The following SEMA3A variants were observed in gnomAD, a reference collection of about 807,000 sequenced individuals.
The protein encoded by SEMA3A is semaphorin 3A.
In SEMA3A, 29 loss-of-function variants were observed where a neutral mutation model predicts 97.9. The observed-to-expected ratio is 0.30, with a 90% CI of 0.22 to 0.40. The LOEUF is 0.40. SEMA3A is among the 10% of genes least tolerant of loss of function. The probability of loss-of-function intolerance (pLI) is 1.00; values close to 1 mark genes in which losing one functional copy is unlikely to be tolerated. For synonymous variants in SEMA3A, 321 were observed against 323.7 expected (o/e 0.99, Z 0.09); for missense variants, 763 against 951.3 (o/e 0.80, Z 2.60).
intron 11 of SEMA3A, among the ~76,000 whole-genome samples, chr7:84,003,610 G>A (rs1562966536): frequency 6.6e-6 from 1 of 152,060 alleles, no homozygotes; most frequent in African/African-American, 2.4e-5. Context: ...TCATGATTAA[G>A]TTTATTTGGT....
intron 1 of SEMA3A, among the ~76,000 whole-genome samples, chr7:84,410,418 C>T (rs909442198): frequency 6.6e-6 from 1 of 152,062 alleles, no homozygotes; most frequent in African/African-American, 2.4e-5. Context: ...AAGCAAGCAA[C>T]CTGGATTTAA....
intron 2 of SEMA3A, among the ~76,000 whole-genome samples, chr7:84,321,900 G>A (rs71539322): frequency 0.38 from 19,319 of 50,732 alleles, 3,832 homozygotes; most frequent in East Asian, 0.45. Context: ...AAAAAAAAAA[G>A]AAGAAGAAGA....
intron 1 of SEMA3A, among the ~76,000 whole-genome samples, chr7:84,447,047 G>A (rs958411843): frequency 1.6e-4 from 25 of 152,264 alleles, no homozygotes; most frequent in Admixed American, 5.2e-4. Context: ...ACATGGCCTC[G>A]CTCGGCTCCC....
Position 84,046,450 on chromosome 7 carries a change from T to G in SEMA3A, c.548-7A>C, listed in dbSNP as rs1180359901. 6.2e-7 allele frequency: 1 copy of G among 1,612,620 alleles called. No homozygotes were observed. Among genetic ancestry groups the G allele is most frequent in the Admixed American group, 1.7e-5 (1 of 59,860 alleles). On this transcript the variant is annotated splice_region_variant and splice_polypyrimidine_tract_variant and intron_variant, in intron 5 of 16. Coordinates refer to ENST00000265362, the MANE Select transcript of SEMA3A (RefSeq NM_006080.3). ...CCAGAGTATAATTCTCCATCTGTGT[T>G]GTGACAAAACCACATACACATTCTT... is the stretch of plus-strand genomic sequence containing the variant.
At chr7:84,360,786 C>A (rs1393926582) in intron 2 of SEMA3A, among the ~76,000 whole-genome samples, 3 of 151,850 alleles carry the variant, frequency 2.0e-5, no homozygotes, top group Non-Finnish European at 4.4e-5. Context: ...TTAAAACCTA[C>A]ATTTTTTATT....
chr7:84,038,895 ATG>A (rs1361096347), intron 6 of SEMA3A, among the ~76,000 whole-genome samples: 1 of 152,118 alleles, frequency 6.6e-6, no homozygotes, highest in Non-Finnish European at 1.5e-5. Flanking sequence ...GTAAAACACA[ATG>A]TGTTTTATGA....
chr7:84,391,323 C>A (rs1453485706), intron 1 of SEMA3A, among the ~76,000 whole-genome samples: 1 of 152,078 alleles, frequency 6.6e-6, no homozygotes, highest in Non-Finnish European at 1.5e-5. Flanking sequence ...GAGGGAAATA[C>A]ACTAGCAACA....
chr7:84,313,499 C>G (rs1417870182), intron 2 of SEMA3A, among the ~76,000 whole-genome samples: 1 of 149,230 alleles, frequency 6.7e-6, no homozygotes, highest in Non-Finnish European at 1.5e-5. Flanking sequence ...AATGTTTGCA[C>G]TGTCTCCTAT....
chr7:84,402,800 A>G lies in SEMA3A; in HGVS notation c.-245-30900T>C, dbSNP rs1248329807. On this transcript the variant is annotated intron_variant, in intron 1 of 3. Transcript: ENST00000424555. ...AAAGTAGAGGGCATTATGTTAAGTG[A>G]AATAGACAAGGTATAGAAAGACAAA... is the stretch of plus-strand genomic sequence containing the variant. Among the ~76,000 whole-genome samples, 3 of 152,224 alleles carry G rather than the reference A, an allele frequency of 2.0e-5. 1 individual carries two copies. The highest frequency in any genetic ancestry group is 7.2e-5 in the African/African-American group (3 of 41,462).
intron 9 of SEMA3A, among the ~76,000 whole-genome samples, chr7:84,008,067 C>T (rs564258164): frequency 5.9e-5 from 9 of 152,242 alleles, no homozygotes; most frequent in East Asian, 3.9e-4. Flanking sequence ...AAAATAATTA[C>T]GTTAGTAGCT....
In SEMA3A at chr7:83,990,992, C is replaced by G. The variant is rs533137493; in HGVS notation, c.1453-5515G>C. ...CTTTTGTTTGTATCCTCTTTTATTT[C>G]CTTGAGCAGTGATTTGTACTTCTCC... is the stretch of plus-strand genomic sequence containing the variant. On this transcript the variant is annotated intron_variant, in intron 12 of 16. Coordinates refer to ENST00000265362, the MANE Select transcript of SEMA3A (RefSeq NM_006080.3). Among the ~76,000 whole-genome samples the G allele has an allele frequency of 4.1e-3, 616 of 151,896 alleles. 2 individuals are homozygous for G. Among genetic ancestry groups the G allele is most frequent in the African/African-American group, 0.014 (579 of 41,448 alleles).
At chr7:84,335,383 T>G (rs1220024881) in intron 2 of SEMA3A, among the ~76,000 whole-genome samples, 1 of 152,196 alleles carries the variant, frequency 6.6e-6, no homozygotes, top group Non-Finnish European at 1.5e-5. Flanking sequence ...ATAAAAAATA[T>G]ATTTTTACAT....
At position 84,079,940 on chromosome 7, in the gene SEMA3A, C is replaced by G. The variant is rs1396136375; in HGVS notation, c.454-19382G>C. Among the ~76,000 whole-genome samples the G allele has an allele frequency of 2.0e-5, 3 of 147,350 alleles. No individual in the cohort carries two copies. In the East Asian group the frequency reaches 5.9e-4, roughly 29 times the overall value. The stretch of plus-strand genomic sequence containing the variant: ...GGGGCACTATTCACAATAGCAAAGA[C>G]TTGGAACCAACCCAAATGTCCAACA... On this transcript the variant is annotated intron_variant, in intron 4 of 16. Coordinates refer to ENST00000265362, the MANE Select transcript of SEMA3A (RefSeq NM_006080.3).
intron 1 of SEMA3A, among the ~76,000 whole-genome samples, chr7:84,395,358 G>GA (rs35236072): frequency 2.8e-4 from 40 of 141,868 alleles, no homozygotes; most frequent in African/African-American, 3.8e-4. Context: ...AAACCCATAG[G>GA]AAAAAAAAAA....
At chr7:84,447,372 T>A (rs991934031) in intron 1 of SEMA3A, among the ~76,000 whole-genome samples, 4 of 152,166 alleles carry the variant, frequency 2.6e-5, no homozygotes, top group African/African-American at 7.2e-5. Context: ...AAGCCAGGGA[T>A]GGCCTGAAGT....
intron 12 of SEMA3A, among the ~76,000 whole-genome samples, chr7:83,992,413 G>T (rs1584516818): frequency 7.0e-6 from 1 of 143,060 alleles, no homozygotes; most frequent in Admixed American, 7.0e-5. Context: ...GTGATGTTAG[G>T]GTGTCAATTT....
Position 84,077,456 on chromosome 7 carries a change from C to T in SEMA3A, c.454-16898G>A, listed in dbSNP as rs1010666673. Among the ~76,000 whole-genome samples the T allele has an allele frequency of 2.6e-5, 4 of 151,908 alleles. No individual in the cohort carries two copies. In the South Asian group the frequency reaches 6.2e-4, roughly 24 times the overall value. Reference sequence around the variant, plus strand: ...ATGTAAATATGTCAACAGAAAGGAGCATATGTCCTGTAAAAAGAATTGGAA... The same window carrying T: ...ATGTAAATATGTCAACAGAAAGGAGTATATGTCCTGTAAAAAGAATTGGAA... On this transcript the variant is annotated intron_variant, in intron 4 of 16. Coordinates refer to ENST00000265362, the MANE Select transcript of SEMA3A (RefSeq NM_006080.3).
At chr7:84,004,189 G>C (rs1790570250) in intron 11 of SEMA3A, among the ~76,000 whole-genome samples, 1 of 151,894 alleles carries the variant, frequency 6.6e-6, no homozygotes, top group East Asian at 1.9e-4. Flanking sequence ...TATTACCTTG[G>C]AATCTGACCC....
intron 2 of SEMA3A, among the ~76,000 whole-genome samples, chr7:84,339,706 C>T (rs1802117317): frequency 1.3e-5 from 2 of 152,146 alleles, no homozygotes; most frequent in Admixed American, 1.3e-4. Context: ...GCAAAACATT[C>T]TGAGATTCTG....
Sources: allele counts gnomAD v4.1 joint callset (sites outside exome capture counted in the v4.1 genomes callset), GRCh38; gene constraint gnomAD v4.1.1; transcripts MANE v1.5; gene names NCBI Gene and HGNC (gene_info 2026-07-23, HGNC 2026-07-21).